Variants in KIF6 observed in about 807,000 individuals in gnomAD.
KIF6 encodes kinesin family member 6, also known as kinesin-like protein KIF6.
KIF6 carries 106 observed loss-of-function variants against 112.7 expected under a neutral mutation model. The observed-to-expected ratio is 0.94, with a 90% CI of 0.80 to 1.11. KIF6 has a LOEUF of 1.11. Ranked by LOEUF, KIF6 falls within the 50% of genes least tolerant of loss-of-function variation. The pLI, the probability that KIF6 is intolerant of heterozygous loss-of-function variation, is 0.00. For synonymous variants in KIF6, 339 were observed against 339.9 expected, an observed-to-expected ratio of 1.00 and a Z score of 0.03; for missense variants, 929 against 964.0, an observed-to-expected ratio of 0.96 and a Z score of 0.48.
At chr6:39,399,873 C>T (rs1370032982) in intron 15 of KIF6, among the ~76,000 whole-genome samples, 1 of 152,244 alleles carries the variant, frequency 6.6e-6, no homozygotes, top group Non-Finnish European at 1.5e-5. Flanking sequence ...ATGCCATCGC[C>T]AGGGCCACAG....
chr6:39,613,111 C>CTTTT, intron 6 of KIF6, 78 bp downstream of exon 6: 2 of 1,079,970 alleles, frequency 1.9e-6, no homozygotes, highest in South Asian at 4.8e-5. Context: ...TCTATTATAT[C>CTTTT]TTTTTTTTTT....
chr6:39,660,261 C>G (rs1270754403), intron 3 of KIF6, among the ~76,000 whole-genome samples: 1 of 152,132 alleles, frequency 6.6e-6, no homozygotes, highest in Admixed American at 6.5e-5. Flanking sequence ...GCCCCTTTTT[C>G]CACAGCAATG....
chr6:39,547,771 C>A (rs1462123464), intron 10 of KIF6, among the ~76,000 whole-genome samples: 1 of 152,166 alleles, frequency 6.6e-6, no homozygotes, highest in Non-Finnish European at 1.5e-5. Flanking sequence ...GCTTTTCCAT[C>A]AGTGCATACA....
At chr6:39,674,004 C>T (rs148392193) in intron 3 of KIF6, among the ~76,000 whole-genome samples, 1,535 of 151,838 alleles carry the variant, frequency 0.01, 26 homozygotes, top group African/African-American at 0.034. Flanking sequence ...CTATCTGGTA[C>T]TATTCTTTTG....
chr6:39,423,661 C>T (rs1770544310), intron 14 of KIF6, among the ~76,000 whole-genome samples: 1 of 152,088 alleles, frequency 6.6e-6, no homozygotes, highest in Non-Finnish European at 1.5e-5. Flanking sequence ...AACACCTCCC[C>T]TGTTTTTCCT....
chr6:39,412,798 C>A (rs1439977271), intron 15 of KIF6, among the ~76,000 whole-genome samples: 1 of 152,164 alleles, frequency 6.6e-6, no homozygotes, highest in African/African-American at 2.4e-5. Flanking sequence ...GACTGAACTG[C>A]AGCCCCCTTG....
At chr6:39,577,720 A>C (rs1352935940) in intron 10 of KIF6, among the ~76,000 whole-genome samples, 5 of 152,246 alleles carry the variant, frequency 3.3e-5, no homozygotes, top group Non-Finnish European at 5.9e-5. Context: ...AATTCCTTTC[A>C]GATCTGAGAC....
At chr6:39,534,457 T>C (rs1778282779) in intron 13 of KIF6, among the ~76,000 whole-genome samples, 1 of 151,868 alleles carries the variant, frequency 6.6e-6, no homozygotes, top group African/African-American at 2.4e-5. Flanking sequence ...GAAGAAAGAG[T>C]ATCAGTGATG....
chr6:39,633,316 T>C (rs890464522), intron 5 of KIF6, among the ~76,000 whole-genome samples: 6 of 152,116 alleles, frequency 3.9e-5, no homozygotes, highest in African/African-American at 1.4e-4. Flanking sequence ...GAAAAGTCCA[T>C]TGAACCCTTA....
At chr6:39,487,960 C>T (rs372842898) in intron 13 of KIF6, among the ~76,000 whole-genome samples, 4 of 135,554 alleles carry the variant, frequency 3.0e-5, no homozygotes, top group South Asian at 4.5e-4. Context: ...ATAGTCAGGG[C>T]ACCTCAAACT....
chr6:39,682,840 A>C (rs1407386688), intron 3 of KIF6, among the ~76,000 whole-genome samples: 1 of 149,804 alleles, frequency 6.7e-6, no homozygotes, highest in African/African-American at 2.5e-5. Flanking sequence ...AGCCTCCCAA[A>C]ATGCTGGGGT....
chr6:39,405,882 G>A (rs9380860), intron 15 of KIF6, among the ~76,000 whole-genome samples: 8,546 of 152,136 alleles, frequency 0.056, 437 homozygotes, highest in East Asian at 0.23. Flanking sequence ...AACCATTCAG[G>A]TTATTTATTT....
intron 13 of KIF6, among the ~76,000 whole-genome samples, chr6:39,452,173 C>T (rs555894310): frequency 6.6e-6 from 1 of 152,260 alleles, no homozygotes; most frequent in African/African-American, 2.4e-5. Context: ...AAAACAATAC[C>T]AAGGGCTTGG....
chr6:39,350,423 C>T (rs1214764189), intron 19 of KIF6, among the ~76,000 whole-genome samples: 1 of 152,054 alleles, frequency 6.6e-6, no homozygotes, highest in Non-Finnish European at 1.5e-5. Flanking sequence ...AGCTGGTGAC[C>T]CTGGGCAAGC....
At chr6:39,585,413 G>C (rs1285461767) in intron 8 of KIF6, among the ~76,000 whole-genome samples, 1 of 152,180 alleles carries the variant, frequency 6.6e-6, no homozygotes, top group Non-Finnish European at 1.5e-5. Flanking sequence ...ACCTCCTGCT[G>C]TGCAGCTCAG....
chr6:39,505,307 T>C (rs1776364966), intron 13 of KIF6, among the ~76,000 whole-genome samples: 1 of 152,018 alleles, frequency 6.6e-6, no homozygotes, highest in Non-Finnish European at 1.5e-5. Context: ...GTGCAGAAAA[T>C]TGAAACTGGA....
At chr6:39,349,472 G>A (rs1396912139) in intron 19 of KIF6, among the ~76,000 whole-genome samples, 2 of 151,934 alleles carry the variant, frequency 1.3e-5, no homozygotes, top group African/African-American at 4.8e-5. Context: ...GGGATGTAAG[G>A]CAGGAATAGA....
rs1783320445 is a variant in KIF6, at chr6:39,613,277, A to C, written c.551T>G (p.Leu184Arg). ...ILEDPDQNIH[L>R]KNLTLHQATT... ...TGCCTGATGGAGAGTCAAGTTTTTC[A>C]GGTGAATGTTCTGATCAGGATCCTC... Residue 184 changes from leucine (L) to arginine (R), a missense_variant, in exon 6 of 23, where the codon CTG (leucine) becomes CGG (arginine). Physicochemically the swap from Leu to Arg is moderately radical, Grantham distance 102. Around this residue, in one of 2 missense-constraint regions of KIF6, gnomAD observed 688 missense variants for 662.7 expected, o/e 1.04. Transcript: ENST00000287152. 6.2e-7 allele frequency: 1 copy of C among 1,608,454 alleles called. No homozygotes were observed. Among genetic ancestry groups the C allele is most frequent in the Non-Finnish European group, 8.5e-7 (1 of 1,177,366 alleles).
chr6:39,654,400 C>T (rs1785651644), intron 3 of KIF6, among the ~76,000 whole-genome samples: 1 of 152,192 alleles, frequency 6.6e-6, no homozygotes, highest in African/African-American at 2.4e-5. Context: ...ACTCTTCCAG[C>T]TGAATTCTAG....
Sources: allele counts gnomAD v4.1 joint callset (sites outside exome capture counted in the v4.1 genomes callset), GRCh38; gene constraint gnomAD v4.1.1; regional missense constraint gnomAD v4.1.1; transcripts MANE v1.5; gene names NCBI Gene and HGNC (gene_info 2026-07-23, HGNC 2026-07-21).